Variants in VSNL1 observed in about 807,000 individuals in gnomAD.
VSNL1 encodes the protein visinin like 1, also known as visinin-like protein 1.
VSNL1 carries 6 observed loss-of-function variants against 20.4 expected under a neutral mutation model. That is an observed-to-expected ratio of 0.29 (90% CI 0.16 to 0.58). The LOEUF (loss-of-function observed/expected upper bound fraction) is 0.58, where lower values mean the gene tolerates loss of function less well. VSNL1 is among the 20% of genes least tolerant of loss of function. The pLI is 0.90. For synonymous variants in VSNL1, 93 were observed against 86.4 expected, an observed-to-expected ratio of 1.08 and a Z score of -0.42; for missense variants, 100 against 234.5, an observed-to-expected ratio of 0.43 and a Z score of 3.75.
At chr2:17,611,518 C>T (rs529752566) in intron 2 of VSNL1, among the ~76,000 whole-genome samples, 1 of 152,350 alleles carries the variant, frequency 6.6e-6, no homozygotes, top group African/African-American at 2.4e-5. Context: ...GGGTAGTGCA[C>T]TCACATATGA....
At chr2:17,553,257 T>C (rs1558279699) in intron 1 of VSNL1, among the ~76,000 whole-genome samples, 1 of 152,238 alleles carries the variant, frequency 6.6e-6, no homozygotes, top group Non-Finnish European at 1.5e-5. Flanking sequence ...TAATGTCTAA[T>C]GGCTCTGAAT....
chr2:17,567,789 GT>G (rs1247728636), intron 1 of VSNL1: 1 of 152,032 alleles, frequency 6.6e-6, no homozygotes, highest in Non-Finnish European at 1.5e-5. Flanking sequence ...TCATTAATGT[GT>G]GCTGATTTTA....
chr2:17,599,976 C>T (rs920292876), intron 2 of VSNL1, among the ~76,000 whole-genome samples: 1 of 152,190 alleles, frequency 6.6e-6, no homozygotes, highest in African/African-American at 2.4e-5. Flanking sequence ...AGTTCAAAAG[C>T]TTCTCCCTGG....
At chr2:17,603,862 G>A (rs1434589428) in intron 2 of VSNL1, among the ~76,000 whole-genome samples, 1 of 152,156 alleles carries the variant, frequency 6.6e-6, no homozygotes. Context: ...GTGACTCAAG[G>A]GATGAAGATA....
chr2:17,585,800 C>CTTTTTTTTTTTTTT (rs1383820699), intron 1 of VSNL1, among the ~76,000 whole-genome samples: 2 of 148,212 alleles, frequency 1.3e-5, no homozygotes. Flanking sequence ...TCTTGGAATT[C>CTTTTTTTTTTTTTT]TTTTTTTCTT....
chr2:17,601,413 A>G (rs1664816877), intron 2 of VSNL1, among the ~76,000 whole-genome samples: 1 of 151,970 alleles, frequency 6.6e-6, no homozygotes, highest in South Asian at 2.1e-4. Flanking sequence ...AGGTGGGTGG[A>G]TCACCTGAAG....
At chr2:17,615,063 C>T (rs371288065) in intron 2 of VSNL1, among the ~76,000 whole-genome samples, 29 of 152,294 alleles carry the variant, frequency 1.9e-4, no homozygotes, top group African/African-American at 7.0e-4. Flanking sequence ...ACTACAGCTC[C>T]CATGATATCC....
chr2:17,608,434 G>A (rs777315967), intron 2 of VSNL1, among the ~76,000 whole-genome samples: 13 of 152,222 alleles, frequency 8.5e-5, no homozygotes, highest in Admixed American at 2.6e-4. Context: ...GCTGGTGCCC[G>A]GAGACATCTT....
chr2:17,566,599 A>T (rs62131528), intron 1 of VSNL1, among the ~76,000 whole-genome samples: 5,019 of 152,256 alleles, frequency 0.033, 87 homozygotes, highest in East Asian at 0.097. Flanking sequence ...ATTCCTTATA[A>T]ATTCTGAATG....
chr2:17,599,336 A>T (rs1002168638), intron 2 of VSNL1, among the ~76,000 whole-genome samples: 1 of 152,206 alleles, frequency 6.6e-6, no homozygotes, highest in African/African-American at 2.4e-5. Context: ...CTGTCTAGAA[A>T]CTAAAAAATC....
At chr2:17,561,526 C>A (rs145371547) in intron 1 of VSNL1, among the ~76,000 whole-genome samples, 1 of 152,162 alleles carries the variant, frequency 6.6e-6, no homozygotes, top group Non-Finnish European at 1.5e-5. Flanking sequence ...CAATTTTACT[C>A]CATCTTAAGA....
At chr2:17,620,843 G>GA (rs1665337612) in intron 2 of VSNL1, among the ~76,000 whole-genome samples, 1 of 152,080 alleles carries the variant, frequency 6.6e-6, no homozygotes, top group Non-Finnish European at 1.5e-5. Context: ...GATAAATTCA[G>GA]AAAAAAAGTA....
intron 2 of VSNL1, among the ~76,000 whole-genome samples, chr2:17,646,110 CTA>C (rs1366093693): frequency 6.6e-6 from 1 of 152,192 alleles, no homozygotes; most frequent in Non-Finnish European, 1.5e-5. Flanking sequence ...CCTTAATGCT[CTA>C]TGTCTTTCTT....
At chr2:17,625,112 T>C (rs1222321903) in intron 2 of VSNL1, among the ~76,000 whole-genome samples, 10 of 152,198 alleles carry the variant, frequency 6.6e-5, no homozygotes, top group Non-Finnish European at 5.9e-5. Flanking sequence ...GGGTTTCCGC[T>C]TTTGCATCTT....
chr2:17,592,498 A>G (rs1361977441), intron 2 of VSNL1, among the ~76,000 whole-genome samples: 1 of 152,188 alleles, frequency 6.6e-6, no homozygotes, highest in Admixed American at 6.5e-5. Context: ...CTGGTGAAAG[A>G]ACCATAAAAA....
At chr2:17,611,862 G>A (rs777615190) in intron 2 of VSNL1, among the ~76,000 whole-genome samples, 1 of 152,188 alleles carries the variant, frequency 6.6e-6, no homozygotes, top group Non-Finnish European at 1.5e-5. Flanking sequence ...TATTTAATGC[G>A]TACATCCTGC....
In VSNL1 at chr2:17,655,490, CACACACACACAAAT is replaced by C; in HGVS notation, c.*98_*111del. 1.8e-6 allele frequency: 2 copies of C among 1,085,898 alleles called. No homozygotes were observed. The highest frequency in any genetic ancestry group is 2.7e-6 in the Non-Finnish European group (2 of 752,316). The allele number at this position is 1,085,898 out of a possible 1,614,324, so 67.3% of individuals were successfully genotyped here. A position where few individuals can be genotyped will look rare whatever the true frequency, so the allele number is the denominator to read the frequency against. On this transcript the variant is annotated 3_prime_UTR_variant, in exon 4 of 4. Coordinates refer to ENST00000295156, the MANE Select transcript of VSNL1 (RefSeq NM_003385.5). This position sits in a 1 kb window ranked among gnomAD's most constrained non-coding sequence, Gnocchi z 5.2. ...ACACACACACACACACACACACACA[CACACACACACAAAT>C]ATTGCTTGGACTACCTATAAATGGA...
At chr2:17,627,614 G>A (rs1665542055) in intron 2 of VSNL1, among the ~76,000 whole-genome samples, 1 of 152,168 alleles carries the variant, frequency 6.6e-6, no homozygotes, top group Admixed American at 6.5e-5. Flanking sequence ...GTTGTCTTGT[G>A]CTGAGTCAGT....
At chr2:17,595,381 A>G (rs1368661692) in intron 2 of VSNL1, among the ~76,000 whole-genome samples, 1 of 152,212 alleles carries the variant, frequency 6.6e-6, no homozygotes, top group Non-Finnish European at 1.5e-5. Flanking sequence ...ATTCACCACA[A>G]TGTAATGTGT....
Sources: allele counts gnomAD v4.1 joint callset (sites outside exome capture counted in the v4.1 genomes callset), GRCh38; gene constraint gnomAD v4.1.1; non-coding constraint Gnocchi (gnomAD v3.1); transcripts MANE v1.5; gene names NCBI Gene and HGNC (gene_info 2026-07-23, HGNC 2026-07-21).